ANAPC1: variants seen among roughly 807,000 people sequenced by gnomAD.
ANAPC1 encodes the protein anaphase-promoting complex subunit 1.
ANAPC1 carries 36 observed loss-of-function variants against 208.0 expected under a neutral mutation model. The observed-to-expected ratio is 0.17, with a 90% CI of 0.13 to 0.23. The LOEUF is 0.23. Among genes scored for constraint, ANAPC1 ranks in the 10% least tolerant of loss-of-function variants. ANAPC1 has a pLI of 1.00. For synonymous variants in ANAPC1, 378 were observed against 695.2 expected, an observed-to-expected ratio of 0.54 and a Z score of 7.18; for missense variants, 942 against 2,011.6, an observed-to-expected ratio of 0.47 and a Z score of 10.17.
At chr2:111,825,734 T>C (rs1400784762) in intron 22 of ANAPC1, 43 bp downstream of exon 22, 1 of 1,582,236 alleles carries the variant, frequency 6.3e-7, no homozygotes, top group Non-Finnish European at 8.6e-7. Context: ...GATACTGACA[T>C]TTACAAAAAT....
At chr2:111,818,484 CTA>C (rs1679351308) in intron 27 of ANAPC1, among the ~76,000 whole-genome samples, 1 of 151,188 alleles carries the variant, frequency 6.6e-6, no homozygotes, top group African/African-American at 2.4e-5. Flanking sequence ...TCTGTTTAAA[CTA>C]TGACGTAAGA....
intron 1 of ANAPC1, among the ~76,000 whole-genome samples, chr2:111,883,676 T>A (rs761876847): frequency 3.3e-5 from 5 of 152,064 alleles, no homozygotes; most frequent in Admixed American, 6.6e-5. Context: ...TGGAGGCCAG[T>A]CTGAAAGCTG....
intron 7 of ANAPC1, among the ~76,000 whole-genome samples, chr2:111,867,245 G>A (rs1435976936): frequency 2.7e-5 from 4 of 150,300 alleles, no homozygotes; most frequent in Non-Finnish European, 5.9e-5. Context: ...AGCCGAGATC[G>A]CACCATTGTA....
Position 111,777,042 on chromosome 2 carries a change from C to T in ANAPC1, c.5401G>A (p.Gly1801Arg), listed in dbSNP as rs1677029217. 1.9e-6 allele frequency: 1 copy of T among 517,162 alleles called. No homozygotes were observed. The highest frequency in any genetic ancestry group is 3.5e-5 in the Admixed American group (1 of 28,284). 32.0% of individuals were successfully genotyped at this position (517,162 alleles called of 1,614,324 possible). A position where few individuals can be genotyped will look rare whatever the true frequency, so the allele number is the denominator to read the frequency against. ...IAMDQAIRRLGRREMSETSEL... is the reference protein window; with the variant it reads ...IAMDQAIRRLRRREMSETSEL... Reference sequence around the variant, plus strand: ...GAAGTCTCAGACATTTCTCTTCTCCCAAGTCTTCTTATAGCCTTGAAGAGG... The same window carrying T: ...GAAGTCTCAGACATTTCTCTTCTCCTAAGTCTTCTTATAGCCTTGAAGAGG... Residue 1801 changes from glycine to arginine, a missense_variant, in exon 46 of 48, where the codon GGG becomes AGG. Transcript: ENST00000341068.
At chr2:111,843,690 T>A (rs1325896531) in intron 16 of ANAPC1, 91 bp from the exon 17 acceptor site, 3 of 1,012,878 alleles carry the variant, frequency 3.0e-6, no homozygotes, top group Non-Finnish European at 4.3e-6. Flanking sequence ...TTCTACTATG[T>A]AAAGGCCAAT....
intron 1 of ANAPC1, among the ~76,000 whole-genome samples, chr2:111,881,640 C>G (rs1166574436): frequency 6.6e-6 from 1 of 152,162 alleles, no homozygotes; most frequent in South Asian, 2.1e-4. Context: ...AGCAGCCAGG[C>G]TTTAGACAAA....
At chr2:111,872,492 T>A in intron 6 of ANAPC1, 138 bp downstream of exon 6, 1 of 669,908 alleles carries the variant, frequency 1.5e-6, no homozygotes, top group East Asian at 3.0e-5. Flanking sequence ...CAACTTGTAC[T>A]GAGATGAGAG....
intron 2 of ANAPC1, 23 bp from the exon 3 acceptor site, chr2:111,878,994 A>G: frequency 6.3e-7 from 1 of 1,596,912 alleles, no homozygotes. Context: ...CACATGTAAA[A>G]CATATTCAAG....
At chr2:111,823,407 C>T (rs1262593502) in intron 24 of ANAPC1, among the ~76,000 whole-genome samples, 1 of 151,894 alleles carries the variant, frequency 6.6e-6, no homozygotes, top group Admixed American at 6.6e-5. Flanking sequence ...GTCAATCCAC[C>T]CATTTGATCC....
rs1000583306 is a variant in ANAPC1 at position 111,769,914 on chromosome 2, C to T, written c.5720-508G>A. 2.4e-4 allele frequency among the ~76,000 whole-genome samples: 37 copies of T among 151,530 alleles called. 2 individuals carry two copies. Among genetic ancestry groups the T allele is most frequent in the African/African-American group, 7.2e-4 (30 of 41,448 alleles). On this transcript the variant is annotated intron_variant, in intron 47 of 47. Coordinates refer to ENST00000341068, the MANE Select transcript of ANAPC1 (RefSeq NM_022662.4). ...AGCCAGGATGGTCTCGATCTCCTGA[C>T]CTCGTGATCCGCCCGCCTCGGCCTC...
At chr2:111,875,539 T>C (rs1682978653) in intron 3 of ANAPC1, among the ~76,000 whole-genome samples, 1 of 152,112 alleles carries the variant, frequency 6.6e-6, no homozygotes, top group Admixed American at 6.5e-5. Context: ...GCACCAATCT[T>C]TTACCTGAAC....
At position 111,801,736 on chromosome 2, in the gene ANAPC1, A is replaced by C. The variant is rs527237294; in HGVS notation, c.4221+692T>G. Reference sequence around the variant, plus strand: ...AACTACTCATTAAAATAAAGATTTAAATTTTAACAAAGAAAAACTAAAATT... The same window carrying C: ...AACTACTCATTAAAATAAAGATTTACATTTTAACAAAGAAAAACTAAAATT... On this transcript the variant is annotated intron_variant, in intron 33 of 47. Coordinates refer to ENST00000341068, the MANE Select transcript of ANAPC1 (RefSeq NM_022662.4). Among the ~76,000 whole-genome samples the C allele has an allele frequency of 5.7e-3, 856 of 150,780 alleles. 8 individuals are homozygous for C. The highest frequency in any genetic ancestry group is 0.02 in the African/African-American group (822 of 41,148).
intron 13 of ANAPC1, among the ~76,000 whole-genome samples, chr2:111,855,438 G>A (rs1681645978): frequency 6.6e-6 from 1 of 151,410 alleles, no homozygotes; most frequent in Admixed American, 6.6e-5. Flanking sequence ...CCTTCAATCT[G>A]TAAAAAAAAA....
intron 39 of ANAPC1, among the ~76,000 whole-genome samples, chr2:111,787,193 T>G (rs2104510937): frequency 6.6e-6 from 1 of 151,620 alleles, no homozygotes; most frequent in South Asian, 2.1e-4. Flanking sequence ...GAAAATGGCT[T>G]CGTTTACAAT....
chr2:111,852,901 A>G (rs896783440), intron 13 of ANAPC1, among the ~76,000 whole-genome samples: 1 of 151,980 alleles, frequency 6.6e-6, no homozygotes, highest in Non-Finnish European at 1.5e-5. Flanking sequence ...AGGTGGGAGG[A>G]TCGCTTGAGT....
At position 111,863,969 on chromosome 2, in the gene ANAPC1, G is replaced by A. The variant is rs1682244602; in HGVS notation, c.832-74C>T. ...GAATAAAGTAGCAATTTCCTTGTAA[G>A]AATGCAAGTTGAAGTCAGTTACTAA... On this transcript the variant is annotated intron_variant, in intron 8 of 47. Coordinates refer to ENST00000341068, the MANE Select transcript of ANAPC1 (RefSeq NM_022662.4). 3.4e-6 allele frequency: 5 copies of A among 1,471,904 alleles called. No individual in the cohort carries two copies. The South Asian group carries it at 4.3e-5, about 13-fold the overall frequency. 91.2% of individuals were successfully genotyped at this position (1,471,904 alleles called of 1,614,324 possible). A position where few individuals can be genotyped will look rare whatever the true frequency, so the allele number is the denominator to read the frequency against.
chr2:111,856,338 TAAAA>T, intron 13 of ANAPC1: 1 of 242,316 alleles, frequency 4.1e-6, no homozygotes, highest in Non-Finnish European at 8.1e-6. Context: ...ACTTTAACTT[TAAAA>T]AAAAAAAAAA....
intron 14 of ANAPC1, among the ~76,000 whole-genome samples, chr2:111,849,056 AAT>A (rs1681248428): frequency 6.6e-6 from 1 of 152,332 alleles, no homozygotes; most frequent in Middle Eastern, 3.4e-3. Flanking sequence ...CCTTTAATTC[AAT>A]TTATATATCT....
At chr2:111,881,448 G>A (rs192435815) in intron 1 of ANAPC1, among the ~76,000 whole-genome samples, 59 of 152,248 alleles carry the variant, frequency 3.9e-4, no homozygotes, top group African/African-American at 1.3e-3. Flanking sequence ...ATTATTGGTC[G>A]AAACCCAAAG....
Sources: allele counts gnomAD v4.1 joint callset (sites outside exome capture counted in the v4.1 genomes callset), GRCh38; gene constraint gnomAD v4.1.1; transcripts MANE v1.5; gene names NCBI Gene and HGNC (gene_info 2026-07-23, HGNC 2026-07-21).